The following LAMP2 variants were observed in gnomAD, a reference collection of about 807,000 sequenced individuals.
The protein encoded by LAMP2 is lysosome-associated membrane glycoprotein 2.
LAMP2 carries 4 observed loss-of-function variants against 25.6 expected under a neutral mutation model. The observed-to-expected ratio is 0.16, with a 90% confidence interval of 0.08 to 0.36. The LOEUF is 0.36. Ranked by LOEUF, LAMP2 falls within the 10% of genes least tolerant of loss-of-function variation. The pLI, the probability that LAMP2 is intolerant of heterozygous loss-of-function variation, is 1.00. For missense variants in LAMP2, 272 were observed against 301.4 expected (o/e 0.90, Z 0.72); for synonymous variants, 108 against 112.7 (o/e 0.96, Z 0.27).
At position 120,430,199 on chromosome X, in the gene LAMP2, C is replaced by T. The variant is rs2058517126; in HGVS notation, c.*1124G>A. On this transcript the variant is annotated 3_prime_UTR_variant, in exon 9 of 9. Transcript: ENST00000200639. ...AGTCTATTAAGCCTTCCTTCTTTAT[C>T]TATGTTTCATGTCTGTGCTACTCTT... is the stretch of plus-strand genomic sequence containing the variant. The T allele has an allele frequency of 1.3e-6, 1 of 753,927 alleles. No individual in the cohort carries two copies. The highest frequency in any genetic ancestry group is 1.6e-6 in the Non-Finnish European group (1 of 638,779). The allele number at this position is 753,927 out of a possible 1,213,427, so 62.1% of individuals were successfully genotyped here.
rs2058597057 is a variant in LAMP2, at chrX:120,446,517, G to A, written c.742-90C>T. On this transcript the variant is annotated intron_variant, in intron 5 of 8. Transcript: ENST00000200639. ...ACTCTACCAAACAAAATCAACTTCA[G>A]CGTAGAACAAAAAATCTTTTGTCTG... 4 of 972,123 alleles carry A rather than the reference G, an allele frequency of 4.1e-6. No homozygotes were observed. In the South Asian group the frequency reaches 7.9e-5, roughly 19 times the overall value. 80.1% of individuals were successfully genotyped at this position (972,123 alleles called of 1,213,427 possible).
At position 120,437,449 on chromosome X, in the gene LAMP2, A is replaced by T. The variant is rs5957386; in HGVS notation, c.1093+4281T>A. On this transcript the variant is annotated intron_variant, in intron 8 of 8. Transcript: ENST00000200639. ...AAACACGAAAAAACAACCCCACAGG[A>T]ACCTTCCATATATGGCTGCATATTA... The T allele has an allele frequency of 0.02, 15,306 of 748,406 alleles. 1,760 individuals are homozygous for T. In the African/African-American group the frequency reaches 0.32, roughly 16 times the overall value. 61.7% of individuals were successfully genotyped at this position (748,406 alleles called of 1,213,427 possible).
intron 3 of LAMP2, among the ~76,000 whole-genome samples, chrX:120,454,115 T>C (rs1224183399): frequency 9.0e-6 from 1 of 110,768 alleles, no homozygotes; most frequent in East Asian, 2.8e-4. Context: ...TTAAATCTCT[T>C]GCTGTCCCGC....
chrX:120,432,409 A>G (rs1379883249), intron 8 of LAMP2, among the ~76,000 whole-genome samples: 1 of 111,371 alleles, frequency 9.0e-6, no homozygotes. Flanking sequence ...CTGATGAAAA[A>G]AAAATTCAGC....
At chrX:120,445,725 T>C (rs2058592900) in intron 6 of LAMP2, among the ~76,000 whole-genome samples, 1 of 112,324 alleles carries the variant, frequency 8.9e-6, no homozygotes, top group Admixed American at 9.4e-5. Flanking sequence ...CAGGTATGCT[T>C]AACCCAAAAC....
At chrX:120,441,140 T>C (rs1481555036) in intron 8 of LAMP2, among the ~76,000 whole-genome samples, 2 of 110,135 alleles carry the variant, frequency 1.8e-5, no homozygotes, top group Non-Finnish European at 3.8e-5. Context: ...ATGCCAAATA[T>C]GTCTTTCATA....
At chrX:120,452,669 C>T (rs2058626839) in intron 3 of LAMP2, among the ~76,000 whole-genome samples, 1 of 108,314 alleles carries the variant, frequency 9.2e-6, no homozygotes, top group South Asian at 4.1e-4. Flanking sequence ...TCCACCCTAG[C>T]CACCCAGGTA....
In LAMP2 at chrX:120,428,543, C is replaced by A. The variant is rs372396556; in HGVS notation, c.*2780G>T. On this transcript the variant is annotated 3_prime_UTR_variant, in exon 9 of 9. Coordinates refer to ENST00000200639, the MANE Select transcript of LAMP2 (RefSeq NM_002294.3). ...CTTCCAATCATATAAGAGATAAAGA[C>A]AACAATTATAAGGAAGCCCAAGGCC... 1 of 1,199,946 alleles carries A rather than the reference C, an allele frequency of 8.3e-7. No individual in the cohort carries two copies. The highest frequency in any genetic ancestry group is 1.1e-6 in the Non-Finnish European group (1 of 890,458).
At chrX:120,452,278 T>C (rs1184242412) in intron 3 of LAMP2, among the ~76,000 whole-genome samples, 2 of 108,491 alleles carry the variant, frequency 1.8e-5, no homozygotes, top group Non-Finnish European at 3.8e-5. Context: ...GCCAACTTTA[T>C]TTTCCTTCTG....
intron 6 of LAMP2, 79 bp from the exon 7 acceptor site, chrX:120,442,741 G>C (rs890002516): frequency 7.8e-6 from 6 of 765,947 alleles, no homozygotes; most frequent in Non-Finnish European, 1.2e-5. Flanking sequence ...ACCCACAGAA[G>C]AAAAGCAATC....
chrX:120,446,522 G>T, intron 5 of LAMP2, 95 bp from the exon 6 acceptor site: 1 of 946,264 alleles, frequency 1.1e-6, no homozygotes, highest in Non-Finnish European at 1.5e-6. Flanking sequence ...CTTCAGCGTA[G>T]AACAAAAAAT....
intron 1 of LAMP2, among the ~76,000 whole-genome samples, chrX:120,457,460 G>GCAAA (rs1437883569): frequency 8.9e-6 from 1 of 112,107 alleles, no homozygotes; most frequent in African/African-American, 3.2e-5. Flanking sequence ...TCTGATAAAT[G>GCAAA]CAAAGTTCAT....
In LAMP2 at chrX:120,431,784, C is replaced by T. The variant is rs57800983; in HGVS notation, c.1094-322G>A. On this transcript the variant is annotated intron_variant, in intron 8 of 8. Transcript: ENST00000200639. ...ATTAGCCTTGCCTTGATGATCAGGC[C>T]GTGAGCTTTCAGAGGCAAACTGTTA... Among the ~76,000 whole-genome samples the T allele has an allele frequency of 7.6e-3, 847 of 112,072 alleles. 7 individuals are homozygous for T. Among genetic ancestry groups the T allele is most frequent in the African/African-American group, 0.025 (774 of 30,893 alleles).
At chrX:120,449,349 C>A (rs767001484) in intron 3 of LAMP2, among the ~76,000 whole-genome samples, 1 of 112,471 alleles carries the variant, frequency 8.9e-6, no homozygotes. Flanking sequence ...GCACAGTGGC[C>A]CATGCCTGTA....
At chrX:120,456,312 T>C (rs5909723) in intron 2 of LAMP2, among the ~76,000 whole-genome samples, 43,691 of 109,786 alleles carry the variant, frequency 0.4, 6,369 homozygotes, top group Middle Eastern at 0.48. Flanking sequence ...TGAGCCACCA[T>C]GCCCAGATGG....
chrX:120,431,244 C>T lies in LAMP2; in HGVS notation c.*79G>A, dbSNP rs2058521624. ...GTTTCAACATATCAATTTTAAGAAGCAAAGTGTTTCAACAACTGAGAGGTA... is the reference window on the plus strand; with the variant it reads ...GTTTCAACATATCAATTTTAAGAAGTAAAGTGTTTCAACAACTGAGAGGTA... On this transcript the variant is annotated 3_prime_UTR_variant, in exon 9 of 9. Coordinates refer to ENST00000200639, the MANE Select transcript of LAMP2 (RefSeq NM_002294.3). 2.5e-6 allele frequency: 3 copies of T among 1,191,819 alleles called. No homozygotes were observed. Among genetic ancestry groups the T allele is most frequent in the African/African-American group, 1.8e-5 (1 of 56,861 alleles).
At chrX:120,456,585 T>C (rs978455908) in intron 2 of LAMP2, 66 bp downstream of exon 2, 4 of 556,090 alleles carry the variant, frequency 7.2e-6, no homozygotes, top group Middle Eastern at 5.4e-4. Context: ...TATACGTGTA[T>C]CTAAAGGATA....
chrX:120,430,296 C>A lies in LAMP2; in HGVS notation c.*1027G>T, dbSNP rs1394247518. On this transcript the variant is annotated 3_prime_UTR_variant, in exon 9 of 9. Transcript: ENST00000200639. ...TAATGCCAACAGCTTCTCTTTACAC[C>A]CCCATCTATGCACTGCCCCACAGGG... 1 of 752,993 alleles carries A rather than the reference C, an allele frequency of 1.3e-6. No individual in the cohort carries two copies. Among genetic ancestry groups the A allele is most frequent in the Non-Finnish European group, 1.6e-6 (1 of 638,886 alleles). The allele number at this position is 752,993 out of a possible 1,213,427, so 62.1% of individuals were successfully genotyped here.
chrX:120,450,779 G>A (rs912417597), intron 3 of LAMP2, among the ~76,000 whole-genome samples: 3 of 109,685 alleles, frequency 2.7e-5, no homozygotes, highest in Non-Finnish European at 5.7e-5. Flanking sequence ...TAAAAAAACA[G>A]CATTTATTAA....
Sources: gnomAD v4.1 joint callset for allele counts (sites outside exome capture counted in the v4.1 genomes callset) on GRCh38, gnomAD v4.1.1 for gene constraint, MANE v1.5 for transcripts, NCBI Gene and HGNC (gene_info 2026-07-23, HGNC 2026-07-21) for gene names.